The following CTNND2 variants were observed in gnomAD, a reference collection of about 807,000 sequenced individuals.
CTNND2 encodes the protein catenin delta-2.
In CTNND2, 22 loss-of-function variants were observed where a neutral mutation model predicts 144.4. The observed-to-expected ratio is 0.15, with a 90% confidence interval of 0.11 to 0.22. The LOEUF is 0.22. CTNND2 is among the 10% of genes least tolerant of loss of function. CTNND2 has a pLI of 1.00. For synonymous variants in CTNND2, 751 were observed against 695.6 expected (o/e 1.08, Z -1.25); for missense variants, 1,353 against 1,618.8 (o/e 0.84, Z 2.82).
At chr5:11,173,232 G>A (rs1760115453) in intron 11 of CTNND2, among the ~76,000 whole-genome samples, 1 of 152,242 alleles carries the variant, frequency 6.6e-6, no homozygotes, top group Non-Finnish European at 1.5e-5. Flanking sequence ...GGCAGTCAGA[G>A]GGCAGGAGGA....
In CTNND2 at chr5:11,385,175, G is replaced by A; in HGVS notation, c.667C>T (p.Pro223Ser). 2 of 1,036,802 alleles carry A rather than the reference G, an allele frequency of 1.9e-6. No individual in the cohort carries two copies. The highest frequency in any genetic ancestry group is 2.3e-6 in the Non-Finnish European group (2 of 865,550). 64.2% of individuals were successfully genotyped at this position (1,036,802 alleles called of 1,614,324 possible). Residue 223 changes from proline to serine, a missense_variant, in exon 7 of 22, where the codon CCG becomes TCG. By Grantham distance (74) the Pro-to-Ser change is moderately conservative. Around this residue, in one of 4 missense-constraint regions of CTNND2, gnomAD observed 708 missense variants for 706.4 expected, o/e 1.00. Transcript: ENST00000304623. ...GCGAACGGCTCCCGCGGCGGCGGCG[G>A]CGGCGGCGGCGCGGGCTCGGGCCCC... ...LAGPEPAPPPPPPPREPFAPS... is the reference protein window; with the variant it reads ...LAGPEPAPPPSPPPREPFAPS...
intron 12 of CTNND2, among the ~76,000 whole-genome samples, chr5:11,124,274 G>A (rs1754436838): frequency 6.6e-6 from 1 of 152,138 alleles, no homozygotes; most frequent in Admixed American, 6.5e-5. Flanking sequence ...CGATTATCAA[G>A]TATTAATTAC....
At chr5:11,625,271 T>C (rs1334071710) in intron 2 of CTNND2, among the ~76,000 whole-genome samples, 1 of 152,100 alleles carries the variant, frequency 6.6e-6, no homozygotes, top group African/African-American at 2.4e-5. Context: ...GTCTAAAAGT[T>C]TGAATATGAC....
chr5:11,623,294 C>T (rs2727583), intron 2 of CTNND2, among the ~76,000 whole-genome samples: 16,651 of 151,988 alleles, frequency 0.11, 2,232 homozygotes, highest in African/African-American at 0.32. Context: ...CTACTTGTTA[C>T]GAGAGGGACT....
At chr5:11,631,447 T>C (rs1581636146) in intron 2 of CTNND2, among the ~76,000 whole-genome samples, 1 of 152,296 alleles carries the variant, frequency 6.6e-6, no homozygotes, top group African/African-American at 2.4e-5. Flanking sequence ...GATAACCAAC[T>C]TAATCTTGGA....
intron 9 of CTNND2, among the ~76,000 whole-genome samples, chr5:11,283,335 A>C (rs1393871866): frequency 6.6e-6 from 1 of 152,104 alleles, no homozygotes; most frequent in Non-Finnish European, 1.5e-5. Context: ...ATGATACCAA[A>C]GAGATATGTC....
At chr5:11,247,948 G>T (rs1743172654) in intron 9 of CTNND2, among the ~76,000 whole-genome samples, 2 of 152,106 alleles carry the variant, frequency 1.3e-5, no homozygotes, top group African/African-American at 4.8e-5. Context: ...CCTCAAACAT[G>T]TAAGAATTTA....
chr5:11,346,759 A>T (rs1561255625), intron 8 of CTNND2, 132 bp from the exon 9 acceptor site: 4 of 842,064 alleles, frequency 4.8e-6, no homozygotes, highest in Non-Finnish European at 6.7e-6. Flanking sequence ...AAAAAAATTA[A>T]TCCATCATAT....
intron 16 of CTNND2, among the ~76,000 whole-genome samples, chr5:11,028,691 A>G (rs1463015564): frequency 6.6e-6 from 1 of 152,152 alleles, no homozygotes; most frequent in African/African-American, 2.4e-5. Flanking sequence ...ATGTTGTAGC[A>G]TATGTCAGAA....
chr5:11,018,703 G>A (rs1202366697), intron 17 of CTNND2, among the ~76,000 whole-genome samples: 1 of 148,628 alleles, frequency 6.7e-6, no homozygotes, highest in Non-Finnish European at 1.5e-5. Flanking sequence ...GCAAGGCCCT[G>A]ACTCTTTTTT....
intron 3 of CTNND2, among the ~76,000 whole-genome samples, chr5:11,499,409 A>G (rs1399817234): frequency 1.3e-5 from 2 of 152,196 alleles, no homozygotes; most frequent in African/African-American, 4.8e-5. Flanking sequence ...TGGCAGGATT[A>G]CCATTTGCCA....
At chr5:11,321,976 G>C (rs1002198508) in intron 9 of CTNND2, among the ~76,000 whole-genome samples, 1 of 152,104 alleles carries the variant, frequency 6.6e-6, no homozygotes, top group African/African-American at 2.4e-5. Context: ...CAGAAAAATG[G>C]AAAGCCCTGG....
At chr5:11,225,843 T>C (rs1216417803) in intron 10 of CTNND2, among the ~76,000 whole-genome samples, 1 of 152,156 alleles carries the variant, frequency 6.6e-6, no homozygotes, top group Non-Finnish European at 1.5e-5. Context: ...TGTTTGGAAA[T>C]AGGGTCTACA....
At chr5:11,364,245 C>T (rs1756744958) in intron 8 of CTNND2, among the ~76,000 whole-genome samples, 1 of 152,150 alleles carries the variant, frequency 6.6e-6, no homozygotes, top group Admixed American at 6.5e-5. Flanking sequence ...AAATTGTCTG[C>T]CTTTCAAAAT....
At chr5:11,739,430 G>T (rs1016814572) in intron 1 of CTNND2, among the ~76,000 whole-genome samples, 4 of 152,182 alleles carry the variant, frequency 2.6e-5, no homozygotes, top group African/African-American at 9.6e-5. Context: ...GGCAGGGAAA[G>T]GCAACCTTGC....
At chr5:11,534,955 G>C (rs2150060455) in intron 3 of CTNND2, among the ~76,000 whole-genome samples, 1 of 152,244 alleles carries the variant, frequency 6.6e-6, no homozygotes, top group East Asian at 1.9e-4. Flanking sequence ...GGGAGGCTGA[G>C]GCAGGTGGAT....
At chr5:11,746,701 A>T (rs1788335247) in intron 1 of CTNND2, among the ~76,000 whole-genome samples, 1 of 152,178 alleles carries the variant, frequency 6.6e-6, no homozygotes, top group Admixed American at 6.5e-5. Flanking sequence ...TGAGCACAGA[A>T]ATTGGGTCTT....
intron 9 of CTNND2, among the ~76,000 whole-genome samples, chr5:11,268,635 T>C (rs1745694881): frequency 6.6e-6 from 1 of 151,910 alleles, no homozygotes; most frequent in Admixed American, 6.6e-5. Context: ...AAAAATAACA[T>C]AGCAAATATA....
intron 2 of CTNND2, among the ~76,000 whole-genome samples, chr5:11,671,638 T>C (rs1328409563): frequency 1.3e-5 from 2 of 152,018 alleles, no homozygotes; most frequent in Admixed American, 1.3e-4. Context: ...AAGTCATTTA[T>C]GTTCTTCTCT....
Sources: allele counts gnomAD v4.1 joint callset (sites outside exome capture counted in the v4.1 genomes callset), GRCh38; gene constraint gnomAD v4.1.1; regional missense constraint gnomAD v4.1.1; transcripts MANE v1.5; gene names NCBI Gene and HGNC (gene_info 2026-07-23, HGNC 2026-07-21).